VSTM4: variants seen among roughly 807,000 people sequenced by gnomAD.
VSTM4 encodes the protein V-set and transmembrane domain-containing protein 4.
Under a neutral mutation model 36.4 loss-of-function variants are expected in VSTM4, and 20 were observed. The observed-to-expected ratio is 0.55, with a 90% CI of 0.39 to 0.80. VSTM4 has a LOEUF of 0.80. Among genes scored for constraint, VSTM4 ranks in the 30% least tolerant of loss-of-function variants. VSTM4 has a pLI of 0.00. For synonymous variants in VSTM4, 182 were observed against 173.9 expected, an observed-to-expected ratio of 1.05 and a Z score of -0.37; for missense variants, 392 against 404.5, an observed-to-expected ratio of 0.97 and a Z score of 0.26.
chr10:49,086,076 C>T (rs984542905), intron 2 of VSTM4, 53 bp from the exon 3 acceptor site: 2 of 1,164,506 alleles, frequency 1.7e-6, no homozygotes, highest in Non-Finnish European at 2.5e-6. Flanking sequence ...CCACATGGTA[C>T]ACATGGCACT....
Position 49,018,514 on chromosome 10 carries a change from CAG to C in VSTM4, c.*1134_*1135del, listed in dbSNP as rs762683594. On this transcript the variant is annotated 3_prime_UTR_variant, in exon 8 of 8. Coordinates refer to ENST00000332853, the MANE Select transcript of VSTM4 (RefSeq NM_001031746.5). ...ATAGTCAAACAATTTCTATAGTGGG[CAG>C]TAAATAGCCACCCAGACTATACTCA... 1 of 152,150 alleles carries C rather than the reference CAG, an allele frequency of 6.6e-6. No homozygotes were observed. The highest frequency in any genetic ancestry group is 1.5e-5 in the Non-Finnish European group (1 of 68,036). 9.4% of individuals were successfully genotyped at this position (152,150 alleles called of 1,614,324 possible).
chr10:49,078,031 G>A (rs1326972676), intron 3 of VSTM4, among the ~76,000 whole-genome samples: 1 of 152,012 alleles, frequency 6.6e-6, no homozygotes, highest in Non-Finnish European at 1.5e-5. Context: ...TAAAGAGAAT[G>A]TACAGGTGGC....
intron 2 of VSTM4, chr10:49,103,036 T>C (rs1844696954): frequency 6.6e-6 from 1 of 152,500 alleles, no homozygotes; most frequent in African/African-American, 2.4e-5. Flanking sequence ...TAATATAAAT[T>C]TGTAAACTAT....
intron 7 of VSTM4, among the ~76,000 whole-genome samples, chr10:49,040,836 C>T (rs1843510510): frequency 6.6e-6 from 1 of 152,156 alleles, no homozygotes; most frequent in South Asian, 2.1e-4. Flanking sequence ...AGCCTTCCCA[C>T]TTCTTGTCAA....
At chr10:49,049,063 C>T (rs1176553220) in intron 5 of VSTM4, among the ~76,000 whole-genome samples, 3 of 152,192 alleles carry the variant, frequency 2.0e-5, no homozygotes, top group Non-Finnish European at 4.4e-5. Context: ...CAAACATCTC[C>T]CCATCACCTG....
chr10:49,070,287 G>C (rs4838363), intron 4 of VSTM4, among the ~76,000 whole-genome samples: 87,377 of 93,706 alleles, frequency 0.93, 41,182 homozygotes, highest in East Asian at 1. Flanking sequence ...AAAGAAATAT[G>C]ACATATCTCA....
At chr10:49,025,325 C>T (rs1843243464) in intron 7 of VSTM4, among the ~76,000 whole-genome samples, 1 of 152,106 alleles carries the variant, frequency 6.6e-6, no homozygotes, top group African/African-American at 2.4e-5. Flanking sequence ...GAAGAACTAC[C>T]TGATAGGGTG....
chr10:49,094,160 CA>C (rs35864575), intron 2 of VSTM4, among the ~76,000 whole-genome samples: 14,603 of 152,202 alleles, frequency 0.096, 935 homozygotes, highest in South Asian at 0.21. Context: ...GGGCCAGGGT[CA>C]GGGGGTCCCA....
At chr10:49,036,798 G>C (rs760675973) in intron 7 of VSTM4, among the ~76,000 whole-genome samples, 1 of 152,236 alleles carries the variant, frequency 6.6e-6, no homozygotes, top group Non-Finnish European at 1.5e-5. Flanking sequence ...TCTCAGCCCT[G>C]GGCTGGCCAC....
Position 49,047,022 on chromosome 10 carries a change from A to G in VSTM4, c.798T>C (p.His266=). ...PAKAPIAPTF[H]KPKLLKPQRK... is the part of the protein sequence containing the mutation. ...TCTGTGGTTTCAGCAGCTTCGGTTT[A>G]TGGAACGTGGGGGCTATCGGAGCTG... Residue 266 remains histidine (H), a synonymous_variant, in exon 7 of 8, where the codon CAT becomes CAC. Transcript: ENST00000332853. 4 of 1,614,180 alleles carry G rather than the reference A, an allele frequency of 2.5e-6. No individual in the cohort carries two copies. Among genetic ancestry groups the G allele is most frequent in the Non-Finnish European group, 3.4e-6 (4 of 1,180,028 alleles).
At chr10:49,023,050 A>C (rs1166569532) in intron 7 of VSTM4, among the ~76,000 whole-genome samples, 1 of 152,246 alleles carries the variant, frequency 6.6e-6, no homozygotes, top group Non-Finnish European at 1.5e-5. Flanking sequence ...AACAAATAAA[A>C]GTAGTACTTT....
intron 7 of VSTM4, among the ~76,000 whole-genome samples, chr10:49,034,196 T>G (rs2131944336): frequency 4.9e-5 from 1 of 20,206 alleles, no homozygotes; most frequent in East Asian, 1.8e-3. Context: ...ATCACCACCA[T>G]CATCACCATC....
At chr10:49,020,753 G>GGAAGGAAGGA (rs1843170943) in intron 7 of VSTM4, among the ~76,000 whole-genome samples, 5 of 77,118 alleles carry the variant, frequency 6.5e-5, no homozygotes, top group Admixed American at 1.6e-4. Flanking sequence ...GGAAGGAAGG[G>GGAAGGAAGGA]AGGGAGGGAG....
intron 4 of VSTM4, among the ~76,000 whole-genome samples, chr10:49,076,211 C>T (rs1384020131): frequency 6.6e-6 from 1 of 152,170 alleles, no homozygotes; most frequent in Non-Finnish European, 1.5e-5. Flanking sequence ...AGCTCTATGA[C>T]CTTGAGCTAA....
At chr10:49,086,909 C>T (rs550016503) in intron 2 of VSTM4, among the ~76,000 whole-genome samples, 1 of 152,262 alleles carries the variant, frequency 6.6e-6, no homozygotes, top group African/African-American at 2.4e-5. Context: ...GTTACCACAA[C>T]GAAGAGCTCT....
intron 4 of VSTM4, among the ~76,000 whole-genome samples, chr10:49,069,581 G>A (rs1468655201): frequency 6.6e-6 from 1 of 152,176 alleles, no homozygotes. Context: ...GAAAGGACCA[G>A]GGTGCACCCC....
At chr10:49,028,479 T>C (rs1288823159) in intron 7 of VSTM4, among the ~76,000 whole-genome samples, 1 of 152,202 alleles carries the variant, frequency 6.6e-6, no homozygotes, top group Non-Finnish European at 1.5e-5. Context: ...AGTATGTCCA[T>C]GGGGAAGAAC....
Position 49,107,816 on chromosome 10 carries a change from T to A in VSTM4, c.235A>T (p.Thr79Ser). ...TAGTACTGCACCACCCGGAGCTTGGTCATCTTCACCATCAAGGCCTCCTGG... is the reference window on the plus strand; with the variant it reads ...TAGTACTGCACCACCCGGAGCTTGGACATCTTCACCATCAAGGCCTCCTGG... Reference protein sequence around the residue: ...DSQEALMVKMTKLRVVQYYGN... With the variant: ...DSQEALMVKMSKLRVVQYYGN... Residue 79 changes from threonine to serine, a missense_variant, in exon 2 of 8, where the codon ACC becomes TCC. Physicochemically the swap from Thr to Ser is moderately conservative, Grantham distance 58. Coordinates refer to ENST00000332853, the MANE Select transcript of VSTM4 (RefSeq NM_001031746.5). 11 of 1,614,258 alleles carry A rather than the reference T, an allele frequency of 6.8e-6. No individual in the cohort carries two copies. The highest frequency in any genetic ancestry group is 9.3e-6 in the Non-Finnish European group (11 of 1,180,040).
At chr10:49,060,111 A>T (rs1564577952) in intron 5 of VSTM4, among the ~76,000 whole-genome samples, 1 of 152,208 alleles carries the variant, frequency 6.6e-6, no homozygotes, top group East Asian at 1.9e-4. Flanking sequence ...TCACAAGTTG[A>T]TGGATACATC....
Sources: allele counts gnomAD v4.1 joint callset (sites outside exome capture counted in the v4.1 genomes callset), GRCh38; gene constraint gnomAD v4.1.1; transcripts MANE v1.5; gene names NCBI Gene and HGNC (gene_info 2026-07-23, HGNC 2026-07-21).